The following SCLT1 variants were observed in gnomAD, a reference collection of about 807,000 sequenced individuals.
SCLT1 encodes sodium channel and clathrin linker 1.
Under a neutral mutation model 112.8 loss-of-function variants are expected in SCLT1, and 78 were observed. That is an observed-to-expected ratio of 0.69 (90% CI 0.58 to 0.83). The LOEUF (loss-of-function observed/expected upper bound fraction) is 0.83, where lower values mean the gene tolerates loss of function less well. SCLT1 is among the 40% of genes least tolerant of loss of function. SCLT1 has a pLI of 0.00. For synonymous variants in SCLT1, 257 were observed against 254.7 expected (o/e 1.01, Z -0.09); for missense variants, 747 against 770.4 (o/e 0.97, Z 0.36).
chr4:129,073,019 T>G (rs556355003), intron 2 of SCLT1, among the ~76,000 whole-genome samples: 1 of 152,186 alleles, frequency 6.6e-6, no homozygotes, highest in East Asian at 1.9e-4. Context: ...ACTCTGCCCC[T>G]TTTTCTATGG....
At chr4:128,956,060 T>C (rs1285058355) in intron 13 of SCLT1, among the ~76,000 whole-genome samples, 2 of 152,192 alleles carry the variant, frequency 1.3e-5, no homozygotes, top group Admixed American at 6.5e-5. Context: ...GACTACATAT[T>C]TGAATAGGGA....
At chr4:129,037,013 C>T (rs1025091511) in intron 5 of SCLT1, 1 of 151,666 alleles carries the variant, frequency 6.6e-6, no homozygotes, top group African/African-American at 2.4e-5. Flanking sequence ...AGTTAAGAAA[C>T]TTGGTATGGA....
chr4:128,910,717 C>G (rs567686850), intron 18 of SCLT1, among the ~76,000 whole-genome samples: 1 of 151,992 alleles, frequency 6.6e-6, no homozygotes, highest in East Asian at 1.9e-4. Flanking sequence ...TTTAATACGT[C>G]TGGAATTTAT....
intron 5 of SCLT1, among the ~76,000 whole-genome samples, chr4:129,015,734 T>C (rs917032932): frequency 1.3e-5 from 2 of 152,172 alleles, no homozygotes; most frequent in African/African-American, 2.4e-5. Context: ...CAGAGGCCCA[T>C]GCTCCTTGAA....
chr4:129,048,387 C>T (rs946865853), intron 2 of SCLT1, among the ~76,000 whole-genome samples: 64 of 151,538 alleles, frequency 4.2e-4, no homozygotes, highest in African/African-American at 1.5e-3. Flanking sequence ...GAAAGGATTC[C>T]CTATTTAATA....
intron 5 of SCLT1, among the ~76,000 whole-genome samples, chr4:129,006,723 T>G (rs560634457): frequency 3.3e-5 from 5 of 152,254 alleles, no homozygotes; most frequent in African/African-American, 9.6e-5. Flanking sequence ...ACTTGGGGAA[T>G]AGATGTCCAA....
chr4:128,964,763 T>A (rs932070988), intron 11 of SCLT1, among the ~76,000 whole-genome samples: 4 of 152,280 alleles, frequency 2.6e-5, no homozygotes, highest in Admixed American at 2.6e-4. Context: ...GATTTTAAAA[T>A]TTTAACCACT....
At position 129,056,620 on chromosome 4, in the gene SCLT1, AT is replaced by A. The variant is rs374556392; in HGVS notation, c.103-12570del. ...TATTGTAAATGAGATTGCTTTCTTGATTTTTTTCTCCCACTAGTTTATTTTA... is the reference window on the plus strand; with the variant it reads ...TATTGTAAATGAGATTGCTTTCTTGATTTTTTCTCCCACTAGTTTATTTTA... On this transcript the variant is annotated intron_variant, in intron 2 of 20. Transcript: ENST00000281142. 5.1e-3 allele frequency among the ~76,000 whole-genome samples: 775 copies of A among 152,128 alleles called. 9 individuals carry two copies. The highest frequency in any genetic ancestry group is 8.2e-3 in the Non-Finnish European group (557 of 67,970).
At chr4:128,920,156 T>C (rs1735773350) in intron 18 of SCLT1, among the ~76,000 whole-genome samples, 1 of 152,146 alleles carries the variant, frequency 6.6e-6, no homozygotes, top group Admixed American at 6.5e-5. Context: ...CAACAAATAC[T>C]AGCAAATTGA....
At position 128,983,049 on chromosome 4, in the gene SCLT1, C is replaced by A. The variant is rs538143409; in HGVS notation, c.686+9118G>T. 2.8e-4 allele frequency among the ~76,000 whole-genome samples: 42 copies of A among 151,718 alleles called. 2 individuals are homozygous for A. The highest frequency in any genetic ancestry group is 2.6e-4 in the Non-Finnish European group (18 of 67,960). On this transcript the variant is annotated intron_variant, in intron 9 of 20. Transcript: ENST00000281142. Reference sequence around the variant, plus strand: ...GATTATAGGCATATGCCACCACGTCCGGCTAATTTTGTATTTTTAGTAGAG... The same window carrying A: ...GATTATAGGCATATGCCACCACGTCAGGCTAATTTTGTATTTTTAGTAGAG...
At chr4:129,081,893 AT>A (rs1259906624) in intron 2 of SCLT1, among the ~76,000 whole-genome samples, 1 of 152,148 alleles carries the variant, frequency 6.6e-6, no homozygotes, top group African/African-American at 2.4e-5. Context: ...TGGCTAAATA[AT>A]TTTTTAAACA....
At chr4:128,989,183 C>T (rs1742353630) in intron 9 of SCLT1, among the ~76,000 whole-genome samples, 1 of 151,746 alleles carries the variant, frequency 6.6e-6, no homozygotes, top group Non-Finnish European at 1.5e-5. Context: ...ATATGTTTTT[C>T]TTCTCAGTAT....
At chr4:129,004,737 A>T (rs923177849) in intron 5 of SCLT1, among the ~76,000 whole-genome samples, 6 of 151,882 alleles carry the variant, frequency 4.0e-5, no homozygotes, top group African/African-American at 1.4e-4. Context: ...CCTTTGAAAC[A>T]AGAAAACTTA....
rs1023133162 is a variant in SCLT1, at chr4:128,970,258, G to C, written c.777+120C>G. On this transcript the variant is annotated intron_variant, in intron 10 of 20. Coordinates refer to ENST00000281142, the MANE Select transcript of SCLT1 (RefSeq NM_144643.4). ...AGCTTCCTACTTTCATATTTTAAGG[G>C]TATTAAAATAATTAATTCATCTTCT... 4 of 657,284 alleles carry C rather than the reference G, an allele frequency of 6.1e-6. No homozygotes were observed. In the African/African-American group the frequency reaches 7.4e-5, roughly 12 times the overall value. The allele number at this position is 657,284 out of a possible 1,614,324, so 40.7% of individuals were successfully genotyped here.
chr4:128,990,234 T>C (rs1041180854), intron 9 of SCLT1, among the ~76,000 whole-genome samples: 7 of 151,910 alleles, frequency 4.6e-5, no homozygotes, highest in African/African-American at 1.7e-4. Context: ...CAACAACACA[T>C]TAAAGAGATC....
intron 16 of SCLT1, among the ~76,000 whole-genome samples, chr4:128,943,770 T>C (rs554979334): frequency 3.9e-5 from 6 of 152,242 alleles, no homozygotes; most frequent in Non-Finnish European, 7.4e-5. Context: ...CCTCTATACA[T>C]TAATGTTGCT....
At chr4:128,939,409 C>T (rs1339816075) in intron 17 of SCLT1, among the ~76,000 whole-genome samples, 1 of 152,102 alleles carries the variant, frequency 6.6e-6, no homozygotes, top group Non-Finnish European at 1.5e-5. Flanking sequence ...CGAATTACTA[C>T]CTAAATTGGA....
At position 128,903,608 on chromosome 4, in the gene SCLT1, G is replaced by A. The variant is rs149977268; in HGVS notation, c.1830-12471C>T. On this transcript the variant is annotated intron_variant, in intron 18 of 20. Coordinates refer to ENST00000281142, the MANE Select transcript of SCLT1 (RefSeq NM_144643.4). ...TTCTTCTTTCTCCAAAGAAATTGAA[G>A]TGGCTAAGAAAAGCTTATTTTTCAT... 3.2e-3 allele frequency among the ~76,000 whole-genome samples: 483 copies of A among 152,188 alleles called. 1 individual carries two copies. The highest frequency in any genetic ancestry group is 0.011 in the African/African-American group (465 of 41,538).
intron 5 of SCLT1, among the ~76,000 whole-genome samples, chr4:129,036,018 C>T (rs1185826373): frequency 1.3e-5 from 2 of 151,830 alleles, no homozygotes; most frequent in Non-Finnish European, 2.9e-5. Context: ...CCATTGCTAC[C>T]TTCCATTATT....
Sources: allele counts gnomAD v4.1 joint callset (sites outside exome capture counted in the v4.1 genomes callset), GRCh38; gene constraint gnomAD v4.1.1; transcripts MANE v1.5; gene names NCBI Gene and HGNC (gene_info 2026-07-23, HGNC 2026-07-21).